The following HIVEP2 variants were observed in gnomAD, a reference collection of about 807,000 sequenced individuals.
The protein encoded by HIVEP2 is HIVEP zinc finger 2, also known as transcription factor HIVEP2.
A neutral mutation model predicts 180.7 loss-of-function variants in HIVEP2; 14 were observed. That is an observed-to-expected ratio of 0.08 (90% CI 0.05 to 0.12). The LOEUF (loss-of-function observed/expected upper bound fraction) is 0.12, where lower values mean the gene tolerates loss of function less well. Among genes scored for constraint, HIVEP2 ranks in the 10% least tolerant of loss-of-function variants. The pLI is 1.00. For missense variants in HIVEP2, 2,579 were observed against 3,008.5 expected (o/e 0.86, Z 3.34); for synonymous variants, 1,184 against 1,136.4 (o/e 1.04, Z -0.84).
chr6:142,909,149 T>C (rs566449201), intron 1 of HIVEP2, among the ~76,000 whole-genome samples: 1 of 152,286 alleles, frequency 6.6e-6, no homozygotes, highest in South Asian at 2.1e-4. Flanking sequence ...TTAGAATGCA[T>C]GCTGAAATAC....
At chr6:142,797,911 C>T (rs972494769) in intron 2 of HIVEP2, among the ~76,000 whole-genome samples, 2 of 152,160 alleles carry the variant, frequency 1.3e-5, no homozygotes, top group Non-Finnish European at 2.9e-5. Context: ...GACCACTGTA[C>T]ACACAGGTCT....
chr6:142,763,337 C>A (rs1483260300), intron 7 of HIVEP2, among the ~76,000 whole-genome samples: 1 of 152,130 alleles, frequency 6.6e-6, no homozygotes, highest in Non-Finnish European at 1.5e-5. Context: ...TCCATCTGTG[C>A]TCAGACGACA....
chr6:142,892,960 G>A (rs970060095), intron 1 of HIVEP2, among the ~76,000 whole-genome samples: 1 of 152,160 alleles, frequency 6.6e-6, no homozygotes, highest in African/African-American at 2.4e-5. Context: ...GTAACATAGA[G>A]CAAAAGTTAC....
intron 2 of HIVEP2, among the ~76,000 whole-genome samples, chr6:142,808,147 G>A (rs760273153): frequency 2.6e-5 from 4 of 152,156 alleles, no homozygotes; most frequent in Non-Finnish European, 5.9e-5. Context: ...TCAAGCATAA[G>A]AGGCATCTTT....
At chr6:142,903,669 C>T (rs1363751504) in intron 1 of HIVEP2, among the ~76,000 whole-genome samples, 1 of 152,088 alleles carries the variant, frequency 6.6e-6, no homozygotes, top group African/African-American at 2.4e-5. Context: ...CATTAATTCA[C>T]ACACTAATTC....
chr6:142,862,973 A>C (rs1776040646), intron 1 of HIVEP2, among the ~76,000 whole-genome samples: 1 of 130,008 alleles, frequency 7.7e-6, no homozygotes, highest in Admixed American at 7.9e-5. Context: ...ACTATATTAT[A>C]TGTAATATAT....
chr6:142,806,815 C>A (rs1776565949), intron 2 of HIVEP2, among the ~76,000 whole-genome samples: 1 of 152,068 alleles, frequency 6.6e-6, no homozygotes, highest in Admixed American at 6.5e-5. Flanking sequence ...TCAAAACAAC[C>A]CTAGGAGATA....
intron 2 of HIVEP2, among the ~76,000 whole-genome samples, chr6:142,824,610 G>C (rs1774813164): frequency 6.6e-6 from 1 of 152,232 alleles, no homozygotes; most frequent in Non-Finnish European, 1.5e-5. Flanking sequence ...CACCAAAGCA[G>C]TTCCATCAGG....
At chr6:142,912,670 C>A (rs945656904) in intron 1 of HIVEP2, among the ~76,000 whole-genome samples, 1 of 152,208 alleles carries the variant, frequency 6.6e-6, no homozygotes, top group East Asian at 1.9e-4. Context: ...CTCATAGGAG[C>A]GTGAAACCGA....
intron 2 of HIVEP2, among the ~76,000 whole-genome samples, chr6:142,799,928 T>C (rs1441311604): frequency 1.3e-5 from 2 of 152,190 alleles, no homozygotes; most frequent in African/African-American, 4.8e-5. Flanking sequence ...CATATATCAC[T>C]TAATGCCAAT....
rs11298750 is a variant in HIVEP2 at position 142,942,297 on chromosome 6, G to GA, written c.-641+2801dup. 1.3e-4 allele frequency among the ~76,000 whole-genome samples: 19 copies of GA among 150,398 alleles called. 1 individual carries two copies. The South Asian group carries it at 1.7e-3, about 13-fold the overall frequency. On this transcript the variant is annotated intron_variant, in intron 1 of 9. Coordinates refer to ENST00000367603, the MANE Select transcript of HIVEP2 (RefSeq NM_006734.4). ...CTGCTGTTAAAATGAGCCCTGCTTT[G>GA]AAAAAAAAAAATGGCAAATTCTGGA...
intron 2 of HIVEP2, among the ~76,000 whole-genome samples, chr6:142,801,206 A>C (rs970498096): frequency 3.3e-5 from 5 of 151,658 alleles, no homozygotes; most frequent in African/African-American, 9.7e-5. Flanking sequence ...AAAAAAAAAA[A>C]AAAAACGAGG....
chr6:142,917,821 G>A (rs1256246264), intron 1 of HIVEP2, among the ~76,000 whole-genome samples: 1 of 152,044 alleles, frequency 6.6e-6, no homozygotes, highest in African/African-American at 2.4e-5. Flanking sequence ...TGTTGCCCAG[G>A]CTACAGCGCA....
intron 2 of HIVEP2, among the ~76,000 whole-genome samples, chr6:142,818,728 G>GAA (rs1398244740): frequency 1.8e-4 from 9 of 51,178 alleles, no homozygotes; most frequent in African/African-American, 6.0e-4. Flanking sequence ...AGAAAAGAAA[G>GAA]AAAGAAAAGA....
intron 1 of HIVEP2, among the ~76,000 whole-genome samples, chr6:142,866,083 T>A (rs766859825): frequency 2.0e-5 from 3 of 150,506 alleles, no homozygotes; most frequent in Non-Finnish European, 4.4e-5. Context: ...TTTGGAGGGC[T>A]GTGGTGGAAA....
intron 2 of HIVEP2, among the ~76,000 whole-genome samples, chr6:142,798,367 T>C (rs1025307981): frequency 1.3e-5 from 2 of 152,166 alleles, no homozygotes; most frequent in Non-Finnish European, 2.9e-5. Flanking sequence ...CACCACTGTA[T>C]TGTTGCAATT....
chr6:142,893,203 G>T (rs1285518796), intron 1 of HIVEP2, among the ~76,000 whole-genome samples: 1 of 152,142 alleles, frequency 6.6e-6, no homozygotes, highest in African/African-American at 2.4e-5. Flanking sequence ...GGGCAAGGTG[G>T]ATACACTCCC....
Position 142,753,640 on chromosome 6 carries a change from A to T in HIVEP2, c.6808T>A (p.Ser2270Thr), listed in dbSNP as rs758727905. ...AGCACATAGGGGTCCTTGGAGAAGG[A>T]CTCCCCTGACGCGCCTTTCTTCTCC... ...FEEKKGASGE[S>T]FSKDPYVLSK... Residue 2270 changes from serine to threonine, a missense_variant, in exon 10 of 10, where the codon TCC becomes ACC. By Grantham distance (58) the Ser-to-Thr change is moderately conservative. Transcript: ENST00000367603. 2 of 1,613,496 alleles carry T rather than the reference A, an allele frequency of 1.2e-6. No individual in the cohort carries two copies. The highest frequency in any genetic ancestry group is 2.2e-5 in the South Asian group (2 of 91,040).
chr6:142,821,879 G>C (rs1250861914), intron 2 of HIVEP2, among the ~76,000 whole-genome samples: 1 of 152,190 alleles, frequency 6.6e-6, no homozygotes, highest in African/African-American at 2.4e-5. Flanking sequence ...GGCAGGCATG[G>C]CTGGAGATGA....
Sources: allele counts gnomAD v4.1 joint callset (sites outside exome capture counted in the v4.1 genomes callset), GRCh38; gene constraint gnomAD v4.1.1; transcripts MANE v1.5; gene names NCBI Gene and HGNC (gene_info 2026-07-23, HGNC 2026-07-21).